Variants in RAB25 observed in about 807,000 individuals in gnomAD.
The protein encoded by RAB25 is RAB25, member RAS oncogene family, also known as ras-related protein Rab-25.
A neutral mutation model predicts 25.2 loss-of-function variants in RAB25; 23 were observed. The observed-to-expected ratio is 0.91, with a 90% CI of 0.66 to 1.29. The LOEUF is 1.29. RAB25 is among the 50% of genes most tolerant of loss of function. RAB25 has a pLI of 0.00. For missense variants in RAB25, 244 were observed against 277.3 expected (o/e 0.88, Z 0.85); for synonymous variants, 102 against 111.5 (o/e 0.91, Z 0.54).
intron 1 of RAB25, 140 bp from the exon 2 acceptor site, chr1:156,065,771 C>T: frequency 1.6e-6 from 1 of 611,890 alleles, no homozygotes; most frequent in Non-Finnish European, 2.7e-6. Context: ...GAGTTGCAGA[C>T]TCCAGTCTCA....
At position 156,061,383 on chromosome 1, in the gene RAB25, C is replaced by T. The variant is rs116234172; in HGVS notation, c.-18C>T. The T allele has an allele frequency of 4.7e-4, 762 of 1,613,812 alleles. No homozygotes were observed. Among genetic ancestry groups the T allele is most frequent in the South Asian group, 1.3e-3 (114 of 91,068 alleles). ...CCTCTGTCCCCGAAGACACCTGCAC[C>T]CTCCATGCGGAGCCAAGATGGGGAA... is the stretch of plus-strand genomic sequence containing the variant. On this transcript the variant is annotated 5_prime_UTR_variant, in exon 1 of 5. Coordinates refer to ENST00000361084, the MANE Select transcript of RAB25 (RefSeq NM_020387.4).
chr1:156,068,532 C>T, intron 3 of RAB25, 69 bp downstream of exon 3: 1 of 1,492,524 alleles, frequency 6.7e-7, no homozygotes, highest in Non-Finnish European at 9.2e-7. Context: ...AGTCTCCCAG[C>T]CCCTGCCCCC....
Position 156,062,096 on chromosome 1 carries a change from G to A in RAB25, c.43+653G>A, listed in dbSNP as rs1572291125. Among the ~76,000 whole-genome samples the A allele has an allele frequency of 2.0e-5, 3 of 152,286 alleles. No homozygotes were observed. The South Asian group carries it at 6.2e-4, about 32-fold the overall frequency. On this transcript the variant is annotated intron_variant, in intron 1 of 4. Coordinates refer to ENST00000361084, the MANE Select transcript of RAB25 (RefSeq NM_020387.4). ...CACCCGGCCAGGACTTCTCTCTTGA[G>A]AAGAAAGGGAAACCAGCAAACAAGA...
intron 1 of RAB25, 72 bp downstream of exon 1, chr1:156,061,515 C>G (rs893951325): frequency 6.0e-6 from 9 of 1,499,780 alleles, no homozygotes; most frequent in East Asian, 2.3e-5. Flanking sequence ...CCAGAGAGGG[C>G]CCCCTCCTGT....
At chr1:156,068,731 T>C (rs1003271765) in intron 3 of RAB25, among the ~76,000 whole-genome samples, 1 of 146,008 alleles carries the variant, frequency 6.8e-6, no homozygotes, top group Non-Finnish European at 1.5e-5. Context: ...ATCTGTTGCC[T>C]AGGCTAGAGT....
chr1:156,068,657 C>T (rs1572294405), intron 3 of RAB25, among the ~76,000 whole-genome samples, 194 bp downstream of exon 3: 1 of 151,798 alleles, frequency 6.6e-6, no homozygotes, highest in South Asian at 2.1e-4. Context: ...TGATGTCCCA[C>T]CACTTGCCCT....
chr1:156,066,633 A>G (rs1195418578), intron 2 of RAB25, among the ~76,000 whole-genome samples: 1 of 152,170 alleles, frequency 6.6e-6, no homozygotes, highest in Non-Finnish European at 1.5e-5. Context: ...AGGCCTCCTG[A>G]CACCACATCC....
At chr1:156,066,586 T>C (rs1216254369) in intron 2 of RAB25, among the ~76,000 whole-genome samples, 1 of 152,164 alleles carries the variant, frequency 6.6e-6, no homozygotes, top group African/African-American at 2.4e-5. Flanking sequence ...ACCCAGCATC[T>C]GCATTTTATG....
chr1:156,068,519 TGC>T, intron 3 of RAB25, 56 bp downstream of exon 3: 1 of 1,561,304 alleles, frequency 6.4e-7, no homozygotes, highest in Non-Finnish European at 8.7e-7. Flanking sequence ...ACCTTTCCCT[TGC>T]AGTCTCCCAG....
intron 1 of RAB25, among the ~76,000 whole-genome samples, chr1:156,062,621 A>G (rs2102768563): frequency 6.6e-6 from 1 of 152,292 alleles, no homozygotes; most frequent in South Asian, 2.1e-4. Context: ...CCATTTATTG[A>G]GCACTTACTA....
At chr1:156,066,275 A>G in intron 2 of RAB25, 169 bp downstream of exon 2, 1 of 585,050 alleles carries the variant, frequency 1.7e-6, no homozygotes, top group Non-Finnish European at 2.9e-6. Flanking sequence ...GAAACAGCAC[A>G]AGCCAGGATA....
At chr1:156,067,857 A>G (rs1647786817) in intron 2 of RAB25, among the ~76,000 whole-genome samples, 1 of 152,156 alleles carries the variant, frequency 6.6e-6, no homozygotes, top group African/African-American at 2.4e-5. Flanking sequence ...AGTTCAAGCA[A>G]TTCTCCTGCC....
At chr1:156,062,634 T>C (rs1647617701) in intron 1 of RAB25, among the ~76,000 whole-genome samples, 1 of 152,188 alleles carries the variant, frequency 6.6e-6, no homozygotes, top group Admixed American at 6.5e-5. Flanking sequence ...ACTTACTATG[T>C]ACCTGCCACT....
chr1:156,066,139 G>A lies in RAB25; in HGVS notation c.239+33G>A, dbSNP rs1647738085. 2.0e-6 allele frequency: 3 copies of A among 1,490,146 alleles called. No individual in the cohort carries two copies. The East Asian group carries it at 7.3e-5, about 36-fold the overall frequency. The allele number at this position is 1,490,146 out of a possible 1,614,324, so 92.3% of individuals were successfully genotyped here. Reference sequence around the variant, plus strand: ...CGGGCCTGGGGGGCTGCTGGGTGGTGGGAGTTCTGGGGAAGTCGAGGAACA... The same window carrying A: ...CGGGCCTGGGGGGCTGCTGGGTGGTAGGAGTTCTGGGGAAGTCGAGGAACA... On this transcript the variant is annotated intron_variant, in intron 2 of 4. Coordinates refer to ENST00000361084, the MANE Select transcript of RAB25 (RefSeq NM_020387.4).
intron 1 of RAB25, among the ~76,000 whole-genome samples, chr1:156,062,032 G>A (rs1218252393): frequency 2.6e-5 from 4 of 152,048 alleles, no homozygotes; most frequent in Non-Finnish European, 5.9e-5. Flanking sequence ...CGCCTACCTC[G>A]GCCTCCCAAA....
At chr1:156,064,808 A>G (rs1230496923) in intron 1 of RAB25, among the ~76,000 whole-genome samples, 1 of 152,238 alleles carries the variant, frequency 6.6e-6, no homozygotes, top group Non-Finnish European at 1.5e-5. Flanking sequence ...AAGTTCACAC[A>G]GTTAGTTAGA....
rs1647725727 is a variant in RAB25 at position 156,065,898 on chromosome 1, T to C, written c.44-13T>C. 6.3e-7 allele frequency: 1 copy of C among 1,578,410 alleles called. No homozygotes were observed. Among genetic ancestry groups the C allele is most frequent in the African/African-American group, 1.3e-5 (1 of 74,372 alleles). ...CTACCCCATGCTCAGCCCTTATCTC[T>C]CCACTCCTTCAGTGGTGCTGATCGG... On this transcript the variant is annotated splice_polypyrimidine_tract_variant and intron_variant, in intron 1 of 4. Transcript: ENST00000361084.
intron 2 of RAB25, among the ~76,000 whole-genome samples, chr1:156,067,475 G>A (rs570141443): frequency 1.2e-4 from 18 of 152,308 alleles, no homozygotes; most frequent in Admixed American, 1.0e-3. Flanking sequence ...ACTCCAAGAG[G>A]GAGACTGGAT....
At position 156,064,563 on chromosome 1, in the gene RAB25, T is replaced by C. The variant is rs182324534; in HGVS notation, c.44-1348T>C. On this transcript the variant is annotated intron_variant, in intron 1 of 4. Transcript: ENST00000361084. ...CCAAGTAGCTGAGACTACAGACACA[T>C]GCTACCATGCCTGGCTAATTTTTGC... Among the ~76,000 whole-genome samples, 629 of 152,074 alleles carry C rather than the reference T, an allele frequency of 4.1e-3. 8 individuals carry two copies. The highest frequency in any genetic ancestry group is 0.014 in the African/African-American group (589 of 41,482).
Sources: gnomAD v4.1 joint callset for allele counts (sites outside exome capture counted in the v4.1 genomes callset) on GRCh38, gnomAD v4.1.1 for gene constraint, MANE v1.5 for transcripts, NCBI Gene and HGNC (gene_info 2026-07-23, HGNC 2026-07-21) for gene names.